Variants in PDE10A observed in about 807,000 individuals in gnomAD.
PDE10A encodes cAMP and cAMP-inhibited cGMP 3',5'-cyclic phosphodiesterase 10A.
PDE10A carries 39 observed loss-of-function variants against 97.7 expected under a neutral mutation model. The ratio of observed to expected loss-of-function variants is 0.40; its 90% CI spans 0.31 to 0.52. The LOEUF is 0.52. Ranked by LOEUF, PDE10A falls within the 20% of genes least tolerant of loss-of-function variation. The pLI is 0.56. For synonymous variants in PDE10A, 371 were observed against 376.8 expected (o/e 0.98, Z 0.18); for missense variants, 731 against 1,047.8 (o/e 0.70, Z 4.17).
intron 13 of PDE10A, among the ~76,000 whole-genome samples, chr6:165,399,437 G>GT (rs926243891): frequency 1.4e-4 from 21 of 152,142 alleles, no homozygotes; most frequent in East Asian, 3.9e-4. Flanking sequence ...TATTATAAAG[G>GT]TTTTTTTATT....
chr6:165,471,369 A>G (rs535319093), intron 3 of PDE10A, among the ~76,000 whole-genome samples: 1 of 152,218 alleles, frequency 6.6e-6, no homozygotes, highest in South Asian at 2.1e-4. Flanking sequence ...TCTAGCTACT[A>G]TCTGTATGTG....
chr6:165,405,279 G>A (rs1177786839), intron 13 of PDE10A, among the ~76,000 whole-genome samples: 1 of 152,108 alleles, frequency 6.6e-6, no homozygotes, highest in Admixed American at 6.5e-5. Context: ...TTCCATCTTA[G>A]GGCAGACATA....
At chr6:165,926,485 A>G (rs1028584172) in intron 1 of PDE10A, among the ~76,000 whole-genome samples, 38 of 152,378 alleles carry the variant, frequency 2.5e-4, no homozygotes, top group African/African-American at 8.7e-4. Context: ...ACAAAAGAAC[A>G]AAATGTTCGA....
intron 1 of PDE10A, among the ~76,000 whole-genome samples, chr6:165,577,917 A>G (rs1785402208): frequency 6.6e-6 from 1 of 152,098 alleles, no homozygotes; most frequent in Non-Finnish European, 1.5e-5. Context: ...TACACAAAAC[A>G]AGAGAAACCC....
At chr6:165,947,455 T>C (rs1783809647) in intron 1 of PDE10A, among the ~76,000 whole-genome samples, 1 of 152,214 alleles carries the variant, frequency 6.6e-6, no homozygotes, top group Non-Finnish European at 1.5e-5. Flanking sequence ...TTTCTAATTC[T>C]ATCATTTATT....
intron 13 of PDE10A, 79 bp downstream of exon 13, chr6:165,413,422 A>G: frequency 3.3e-6 from 3 of 907,914 alleles, no homozygotes; most frequent in Admixed American, 2.5e-5. Flanking sequence ...AAAAAAAAAA[A>G]GCCCTTAAGC....
chr6:165,342,286 A>T (rs951315936), intron 19 of PDE10A, among the ~76,000 whole-genome samples: 2 of 152,256 alleles, frequency 1.3e-5, no homozygotes, highest in African/African-American at 4.8e-5. Context: ...AAGTGGATCC[A>T]CACAGTTCAA....
chr6:165,897,561 G>A (rs1348383187), intron 1 of PDE10A, among the ~76,000 whole-genome samples: 3 of 151,996 alleles, frequency 2.0e-5, no homozygotes, highest in African/African-American at 7.3e-5. Context: ...GTGAGCATGT[G>A]CTGATCTCGG....
At chr6:165,758,205 G>T (rs560404046) in intron 1 of PDE10A, among the ~76,000 whole-genome samples, 2 of 152,154 alleles carry the variant, frequency 1.3e-5, no homozygotes, top group African/African-American at 4.8e-5. Flanking sequence ...AGTGGCTCAT[G>T]CCTGTAATCC....
chr6:165,481,680 T>C (rs899201496), intron 3 of PDE10A, among the ~76,000 whole-genome samples: 10 of 152,208 alleles, frequency 6.6e-5, no homozygotes, highest in African/African-American at 1.7e-4. Context: ...TTTTATAGCA[T>C]AACCAGTATA....
Position 165,853,943 on chromosome 6 carries a change from G to A in PDE10A, c.-615+133586C>T, listed in dbSNP as rs114833894. Among the ~76,000 whole-genome samples the A allele has an allele frequency of 3.7e-3, 569 of 152,308 alleles. 7 individuals carry two copies. The highest frequency in any genetic ancestry group is 0.013 in the African/African-American group (546 of 41,580). On this transcript the variant is annotated intron_variant, in intron 1 of 19. Transcript: ENST00000366882. ...AACCAGGCACTGCTCCTGGGTCGCA[G>A]ATGGCTCTGGGAGCCACCACGGTGG...
At chr6:165,458,612 C>T (rs539197288) in intron 3 of PDE10A, among the ~76,000 whole-genome samples, 51 of 152,192 alleles carry the variant, frequency 3.4e-4, no homozygotes, top group African/African-American at 1.1e-3. Flanking sequence ...TTTGCCTTAG[C>T]ATTCTATCAG....
intron 1 of PDE10A, among the ~76,000 whole-genome samples, chr6:165,912,742 A>C (rs761949381): frequency 6.6e-6 from 1 of 152,226 alleles, no homozygotes; most frequent in Non-Finnish European, 1.5e-5. Flanking sequence ...CTTTAAATAG[A>C]AATACACAAA....
At chr6:165,543,871 C>T (rs1019678049) in intron 1 of PDE10A, among the ~76,000 whole-genome samples, 4 of 149,846 alleles carry the variant, frequency 2.7e-5, no homozygotes, top group Non-Finnish European at 5.9e-5. Flanking sequence ...TTCATATATA[C>T]GTGTGTGTGT....
At position 165,796,145 on chromosome 6, in the gene PDE10A, G is replaced by C. The variant is rs1466703119; in HGVS notation, c.-615+191384C>G. 2.1e-5 allele frequency among the ~76,000 whole-genome samples: 3 copies of C among 142,138 alleles called. No homozygotes were observed. In the Admixed American group the frequency reaches 2.2e-4, roughly 11 times the overall value. 93.2% of individuals were successfully genotyped at this position (142,138 alleles called of 152,430 possible). A position where few individuals can be genotyped will look rare whatever the true frequency, so the allele number is the denominator to read the frequency against. On this transcript the variant is annotated intron_variant, in intron 1 of 19. Transcript: ENST00000366882. ...GAGTCTTGATCTGTCACCCAGGCCG[G>C]AGTGCAGTGCCGCAATCTCGGCTCA...
intron 1 of PDE10A, among the ~76,000 whole-genome samples, chr6:165,786,707 T>C (rs539802095): frequency 6.6e-6 from 1 of 152,200 alleles, no homozygotes; most frequent in Middle Eastern, 3.4e-3. Context: ...GTTCTTGTTA[T>C]CAGAAAAAAA....
intron 1 of PDE10A, among the ~76,000 whole-genome samples, chr6:165,759,080 G>T (rs913263190): frequency 1.3e-5 from 2 of 152,178 alleles, no homozygotes; most frequent in African/African-American, 4.8e-5. Flanking sequence ...AAGCAGTCCT[G>T]CTCCGTGCCC....
intron 1 of PDE10A, among the ~76,000 whole-genome samples, chr6:165,776,662 C>G (rs1228243945): frequency 6.6e-6 from 1 of 152,238 alleles, no homozygotes; most frequent in Non-Finnish European, 1.5e-5. Context: ...CCACCCTCTC[C>G]TCTCTCCTTC....
At chr6:165,566,940 G>A (rs1358530797) in intron 1 of PDE10A, among the ~76,000 whole-genome samples, 1 of 152,054 alleles carries the variant, frequency 6.6e-6, no homozygotes, top group African/African-American at 2.4e-5. Flanking sequence ...CTATGACCCA[G>A]AAATTACACC....
Sources: gnomAD v4.1 joint callset for allele counts (sites outside exome capture counted in the v4.1 genomes callset) on GRCh38, gnomAD v4.1.1 for gene constraint, MANE v1.5 for transcripts, NCBI Gene and HGNC (gene_info 2026-07-23, HGNC 2026-07-21) for gene names.